The following RARS2 variants were observed in gnomAD, a reference collection of about 807,000 sequenced individuals.
RARS2 encodes the protein probable arginine--tRNA ligase, mitochondrial.
Under a neutral mutation model 88.5 loss-of-function variants are expected in RARS2, and 67 were observed. That is an observed-to-expected ratio of 0.76 (90% CI 0.62 to 0.93). The LOEUF (loss-of-function observed/expected upper bound fraction) is 0.93, where lower values mean the gene tolerates loss of function less well. Ranked by LOEUF, RARS2 falls within the 40% of genes least tolerant of loss-of-function variation. RARS2 has a pLI of 0.00. For missense variants in RARS2, 664 were observed against 684.2 expected (o/e 0.97, Z 0.33); for synonymous variants, 239 against 230.3 (o/e 1.04, Z -0.34).
intron 5 of RARS2, among the ~76,000 whole-genome samples, chr6:87,548,963 C>T (rs1783487065): frequency 6.6e-6 from 1 of 152,154 alleles, no homozygotes; most frequent in Admixed American, 6.6e-5. Flanking sequence ...CCTGTAATCT[C>T]AGCACTTTGG....
At chr6:87,530,708 C>G in intron 9 of RARS2, 76 bp downstream of exon 9, 1 of 1,546,048 alleles carries the variant, frequency 6.5e-7, no homozygotes, top group Non-Finnish European at 8.9e-7. Context: ...AAGCTTAACA[C>G]GCAACTTTAC....
At chr6:87,572,421 A>G (rs557979660) in intron 1 of RARS2, among the ~76,000 whole-genome samples, 27 of 152,212 alleles carry the variant, frequency 1.8e-4, no homozygotes, top group Non-Finnish European at 3.4e-4. Context: ...TATTAGGTCA[A>G]TTTTGAAGCA....
In RARS2 at chr6:87,548,624, AT is replaced by A; in HGVS notation, c.417del (p.Lys139AsnfsTer12). On this transcript the variant is annotated frameshift_variant, in exon 6 of 20. Transcript: ENST00000369536. LOFTEE classifies it high-confidence loss of function. ...GTAGAACGCAAATGTCCAACATGAA[AT>A]TTTTTGGCAACATTAGGTGAACTGC... is the stretch of plus-strand genomic sequence containing the variant. ...VEFSSPNVAK[K>X]FHVGHLRSTI... 6.2e-7 allele frequency: 1 copy of A among 1,613,182 alleles called. No individual in the cohort carries two copies.
At chr6:87,555,047 T>A (rs1785404404) in intron 5 of RARS2, among the ~76,000 whole-genome samples, 1 of 151,704 alleles carries the variant, frequency 6.6e-6, no homozygotes, top group African/African-American at 2.4e-5. Flanking sequence ...GAGCTTGCAG[T>A]GAGCTGAGAT....
In RARS2 at chr6:87,514,201, C is replaced by T. The variant is rs577608986; in HGVS notation, c.*212G>A. Among the ~76,000 whole-genome samples, 1 of 151,900 alleles carries T rather than the reference C, an allele frequency of 6.6e-6. No homozygotes were observed. The highest frequency in any genetic ancestry group is 2.4e-5 in the African/African-American group (1 of 41,414). On this transcript the variant is annotated 3_prime_UTR_variant, in exon 20 of 20. Transcript: ENST00000369536. Reference sequence around the variant, plus strand: ...TGGCACGTGCCTGTAATCCCAGCTACTCAGGAGGCTGAGGCAGGAGAATTG... The same window carrying T: ...TGGCACGTGCCTGTAATCCCAGCTATTCAGGAGGCTGAGGCAGGAGAATTG...
chr6:87,581,337 C>T (rs551584676), intron 1 of RARS2, among the ~76,000 whole-genome samples: 11 of 152,212 alleles, frequency 7.2e-5, no homozygotes, highest in Admixed American at 5.9e-4. Context: ...AATCTATAGG[C>T]CATGAGTCTA....
chr6:87,561,270 C>T (rs1222917258), intron 4 of RARS2, among the ~76,000 whole-genome samples: 1 of 152,094 alleles, frequency 6.6e-6, no homozygotes. Flanking sequence ...TGGGTGGGGG[C>T]AATTGTTTTA....
intron 1 of RARS2, among the ~76,000 whole-genome samples, chr6:87,577,376 T>C (rs1771888649): frequency 6.6e-6 from 1 of 152,172 alleles, no homozygotes; most frequent in Admixed American, 6.6e-5. Context: ...TATTTTTTTG[T>C]GGAGACGGCA....
At chr6:87,566,433 A>C (rs1474269989) in intron 2 of RARS2, among the ~76,000 whole-genome samples, 3 of 152,184 alleles carry the variant, frequency 2.0e-5, no homozygotes, top group South Asian at 4.1e-4. Context: ...TATTTTCCTG[A>C]ATTTCCTTAA....
intron 7 of RARS2, among the ~76,000 whole-genome samples, chr6:87,543,607 C>T (rs527339480): frequency 2.0e-5 from 3 of 151,548 alleles, no homozygotes; most frequent in East Asian, 3.9e-4. Flanking sequence ...TGCCACTGCA[C>T]GCCAGCCTGG....
chr6:87,518,039 G>A, intron 17 of RARS2, 130 bp downstream of exon 17: 4 of 1,558,360 alleles, frequency 2.6e-6, no homozygotes, highest in Non-Finnish European at 3.5e-6. Flanking sequence ...CACTTTTTAA[G>A]GCATACCTTT....
In RARS2 at chr6:87,555,396, G is replaced by GA. The variant is rs765577794; in HGVS notation, c.395+11_395+12insT. ...CTTGATTAAGCAACACATAAAAGGGGTGCACCCTCACCTGAATTCAACCAC... is the reference window on the plus strand; with the variant it reads ...CTTGATTAAGCAACACATAAAAGGGGATGCACCCTCACCTGAATTCAACCAC... On this transcript the variant is annotated intron_variant, in intron 5 of 19. Coordinates refer to ENST00000369536, the MANE Select transcript of RARS2 (RefSeq NM_020320.5). 2 of 1,603,130 alleles carry GA rather than the reference G, an allele frequency of 1.2e-6. No individual in the cohort carries two copies. The highest frequency in any genetic ancestry group is 1.7e-4 in the Middle Eastern group (1 of 6,042).
chr6:87,551,626 C>CAAAAA (rs71018036), intron 5 of RARS2, among the ~76,000 whole-genome samples: 18,242 of 64,904 alleles, frequency 0.28, 3,551 homozygotes, highest in South Asian at 0.3. Context: ...TCCGTCTCAA[C>CAAAAA]AAAAAAAAAA....
intron 1 of RARS2, among the ~76,000 whole-genome samples, chr6:87,575,364 TGAGA>T (rs1409885911): frequency 1.3e-5 from 2 of 150,894 alleles, no homozygotes; most frequent in Non-Finnish European, 2.9e-5. Context: ...GCAGAAGTGA[TGAGA>T]GAGAGGGAAG....
rs745765361 is a variant in RARS2, at chr6:87,518,810, G to T, written c.1305+14C>A. The T allele has an allele frequency of 6.2e-7, 1 of 1,613,570 alleles. No individual in the cohort carries two copies. Among genetic ancestry groups the T allele is most frequent in the Non-Finnish European group, 8.5e-7 (1 of 1,179,510 alleles). ...CCAAACAAAAGGGCCTCACAGGTAGGAGTCTTAACAGACCTGAATAATGAG... is the reference window on the plus strand; with the variant it reads ...CCAAACAAAAGGGCCTCACAGGTAGTAGTCTTAACAGACCTGAATAATGAG... On this transcript the variant is annotated intron_variant, in intron 15 of 19. Transcript: ENST00000369536.
At chr6:87,520,151 C>T in intron 13 of RARS2, 29 bp downstream of exon 13, 1 of 1,581,902 alleles carries the variant, frequency 6.3e-7, no homozygotes, top group Non-Finnish European at 8.7e-7. Flanking sequence ...TGACCCTGCA[C>T]AGACAATTAA....
intron 2 of RARS2, among the ~76,000 whole-genome samples, chr6:87,564,935 G>GT (rs34218050): frequency 0.4 from 60,646 of 151,606 alleles, 12,223 homozygotes; most frequent in Admixed American, 0.48. Context: ...GCATGTGCCC[G>GT]TAAGCCCAGC....
chr6:87,518,668 T>A lies in RARS2; in HGVS notation c.1377A>T (p.Thr459=), dbSNP rs757728606. 2 of 1,613,926 alleles carry A rather than the reference T, an allele frequency of 1.2e-6. No individual in the cohort carries two copies. The highest frequency in any genetic ancestry group is 2.7e-5 in the African/African-American group (2 of 74,894). ...WDRVFQSRGD[T]GVFLQYTHAR... The stretch of plus-strand genomic sequence containing the variant: ...CGTGTGTGTACTGTAGGAAGACTCC[T>A]GTGTCCCCGCGACTCTGGAAAACAC... Residue 459 remains threonine, a synonymous_variant, in exon 16 of 20, where the codon ACA becomes ACT. Transcript: ENST00000369536.
At chr6:87,541,833 A>C (rs1203617601) in intron 8 of RARS2, 85 bp downstream of exon 8, 1 of 1,107,916 alleles carries the variant, frequency 9.0e-7, no homozygotes, top group Admixed American at 1.8e-5. Flanking sequence ...CAAAATAAAG[A>C]AAAATAAACC....
Sources: allele counts gnomAD v4.1 joint callset (sites outside exome capture counted in the v4.1 genomes callset), GRCh38; gene constraint gnomAD v4.1.1; transcripts MANE v1.5; gene names NCBI Gene and HGNC (gene_info 2026-07-23, HGNC 2026-07-21).